The following RASSF1 variants were observed in gnomAD, a reference collection of about 807,000 sequenced individuals.
The protein encoded by RASSF1 is ras association domain-containing protein 1.
Under a neutral mutation model 34.3 loss-of-function variants are expected in RASSF1, and 33 were observed. The ratio of observed to expected loss-of-function variants is 0.96; its 90% CI spans 0.73 to 1.29. The LOEUF is 1.29. Among genes scored for constraint, RASSF1 ranks in the 50% most tolerant of loss-of-function variants. The pLI, the probability that RASSF1 is intolerant of heterozygous loss-of-function variation, is 0.00. For synonymous variants in RASSF1, 191 were observed against 195.0 expected (o/e 0.98, Z 0.17); for missense variants, 445 against 471.8 (o/e 0.94, Z 0.53).
chr3:50,340,783 A>T lies in RASSF1; in HGVS notation c.23T>A (p.Ile8Asn). The change falls in exon 1 of 6, where the codon ATT (isoleucine) becomes AAT (asparagine). Residue 8 changes from isoleucine (I) to asparagine (N), a missense_variant. Ile to Asn is a moderately radical substitution (Grantham distance 149, BLOSUM62 -3). Transcript: ENST00000359365. ...AGCGGGTGCCAGCTCCCGCAGCTCA[A>T]TGAGCTCAGGCTCCCCCGACATGGC... MSGEPEL[I>N]ELRELAPAGR... 1 of 1,513,710 alleles carries T rather than the reference A, an allele frequency of 6.6e-7. No homozygotes were observed. The highest frequency in any genetic ancestry group is 8.8e-7 in the Non-Finnish European group (1 of 1,140,802). The allele number at this position is 1,513,710 out of a possible 1,614,324, so 93.8% of individuals were successfully genotyped here.
intron 2 of RASSF1, 148 bp downstream of exon 2, chr3:50,337,756 GC>G: frequency 1.1e-6 from 1 of 934,516 alleles, no homozygotes; most frequent in East Asian, 2.7e-5. Flanking sequence ...TCCCCTCCCA[GC>G]CCCCGCGCAG....
intron 2 of RASSF1, chr3:50,337,560 T>C (rs953378946): frequency 7.0e-7 from 1 of 1,433,454 alleles, no homozygotes. Context: ...GGAGCTCCAC[T>C]CACAGACCCC....
At chr3:50,337,780 T>C in intron 2 of RASSF1, 125 bp downstream of exon 2, 4 of 1,081,596 alleles carry the variant, frequency 3.7e-6, no homozygotes, top group Non-Finnish European at 5.3e-6. Context: ...TTAGCCTCTC[T>C]GTGCCGCCGG....
Position 50,331,720 on chromosome 3 carries a change from C to T in RASSF1, c.599G>A (p.Arg200His), listed in dbSNP as rs761354693. 1.6e-5 allele frequency: 26 copies of T among 1,613,106 alleles called. 1 individual carries two copies. Among genetic ancestry groups the T allele is most frequent in the South Asian group, 1.3e-4 (12 of 91,082 alleles). The stretch of plus-strand genomic sequence containing the variant: ...CTTGGGCAGGTAAAAGGAAGTGCGG[C>T]GCCTGACACTTGTGCCCCGTCCTGG... ...RGPGRGTSVR[R>H]RTSFYLPKDA... The change falls in exon 4 of 6, where the codon CGC (arginine) becomes CAC (histidine). Residue 200 changes from arginine to histidine, a missense_variant. By Grantham distance (29) the Arg-to-His change is conservative. Transcript: ENST00000359365.
In RASSF1 at chr3:50,331,875, C is replaced by A; in HGVS notation, c.463-19G>T. The A allele has an allele frequency of 1.3e-6, 2 of 1,548,340 alleles. No individual in the cohort carries two copies. Among genetic ancestry groups the A allele is most frequent in the South Asian group, 1.2e-5 (1 of 80,928 alleles). On this transcript the variant is annotated intron_variant, in intron 3 of 5. Transcript: ENST00000359365. ...CCTTGTTCTAAAGAAATAGAGAAAC[C>A]AAACCTTGATAATAGGTTCCAGGTG...
chr3:50,334,228 A>C (rs1185459358), intron 2 of RASSF1, among the ~76,000 whole-genome samples: 1 of 152,252 alleles, frequency 6.6e-6, no homozygotes, highest in Non-Finnish European at 1.5e-5. Context: ...TGTGGGGCTA[A>C]GAACTAAGGC....
rs1553718329 is a variant in RASSF1 at position 50,331,341 on chromosome 3, T to G, written c.869A>C (p.Glu290Ala). 5.0e-6 allele frequency: 8 copies of G among 1,585,414 alleles called. No individual in the cohort carries two copies. The South Asian group carries it at 9.0e-5, about 18-fold the overall frequency. Residue 290 changes from glutamate (E) to alanine (A), a missense_variant, in exon 5 of 6, where the codon GAG (glutamate) becomes GCG (alanine). Glu to Ala is a moderately radical substitution (Grantham distance 107). Coordinates refer to ENST00000359365, the MANE Select transcript of RASSF1 (RefSeq NM_007182.5). Reference sequence around the variant, plus strand: ...TAAGAACTATGTACTCACGTTCACCTCCCCAGAGTCATTTTCCTTCAGGAC... The same window carrying G: ...TAAGAACTATGTACTCACGTTCACCGCCCCAGAGTCATTTTCCTTCAGGAC... ...SFVLKENDSG[E>A]VNWDAFSMPE...
intron 2 of RASSF1, 94 bp from the exon 3 acceptor site, chr3:50,332,248 C>T: frequency 2.0e-6 from 2 of 1,019,936 alleles, no homozygotes; most frequent in Non-Finnish European, 1.5e-6. Context: ...AACTGACTGC[C>T]TTTGGCCCCC....
Position 50,331,859 on chromosome 3 carries a change from A to C in RASSF1, c.463-3T>G, listed in dbSNP as rs1702958414. 5.1e-6 allele frequency: 8 copies of C among 1,554,996 alleles called. No individual in the cohort carries two copies. The highest frequency in any genetic ancestry group is 7.0e-6 in the Non-Finnish European group (8 of 1,147,930). On this transcript the variant is annotated splice_region_variant and splice_polypyrimidine_tract_variant and intron_variant, in intron 3 of 5. Coordinates refer to ENST00000359365, the MANE Select transcript of RASSF1 (RefSeq NM_007182.5). ...CCTGTGTAAGAACCGTCCTTGTTCT[A>C]AAGAAATAGAGAAACCAAACCTTGA...
Position 50,330,514 on chromosome 3 carries a change from T to A in RASSF1, c.*67A>T. ...CTCATTCCACAGGCCCCACTGGCCC[T>A]GTCACACTCACACGGCACGCACTTG... On this transcript the variant is annotated 3_prime_UTR_variant, in exon 6 of 6. Transcript: ENST00000359365. The surrounding 1 kb of genome is among the most constrained non-coding windows in gnomAD (Gnocchi z 4.5). 1.9e-6 allele frequency: 3 copies of A among 1,585,142 alleles called. No homozygotes were observed. The highest frequency in any genetic ancestry group is 2.6e-6 in the Non-Finnish European group (3 of 1,159,392).
At chr3:50,339,664 C>T (rs377650272) in intron 1 of RASSF1, among the ~76,000 whole-genome samples, 18 of 152,280 alleles carry the variant, frequency 1.2e-4, no homozygotes, top group East Asian at 7.7e-4. Context: ...CCACCGCGCT[C>T]GGCCCCTTGT....
chr3:50,337,800 AAT>A, intron 2 of RASSF1, 103 bp downstream of exon 2: 1 of 1,189,160 alleles, frequency 8.4e-7, no homozygotes, highest in Non-Finnish European at 1.2e-6. Context: ...GGAAATCGGC[AAT>A]TAGAACGCTC....
chr3:50,330,476 G>T lies in RASSF1; in HGVS notation c.*105C>A. 1 of 1,456,650 alleles carries T rather than the reference G, an allele frequency of 6.9e-7. No homozygotes were observed. Among genetic ancestry groups the T allele is most frequent in the Non-Finnish European group, 9.4e-7 (1 of 1,063,128 alleles). The allele number at this position is 1,456,650 out of a possible 1,614,324, so 90.2% of individuals were successfully genotyped here. On this transcript the variant is annotated 3_prime_UTR_variant, in exon 6 of 6. Coordinates refer to ENST00000359365, the MANE Select transcript of RASSF1 (RefSeq NM_007182.5). The surrounding 1 kb of genome is among the most constrained non-coding windows in gnomAD (Gnocchi z 4.5). ...GGGCTCATTCCCCCAGCACAGGAGG[G>T]CCTCCATGCACACTCATTCCACAGG...
intron 2 of RASSF1, chr3:50,337,584 A>C (rs1703200688): frequency 7.5e-7 from 1 of 1,329,268 alleles, no homozygotes; most frequent in East Asian, 2.6e-5. Context: ...TACCACAGGG[A>C]ACGGGGGCGG....
Position 50,337,951 on chromosome 3 carries a change from G to A in RASSF1, c.311C>T (p.Pro104Leu). Reference protein sequence around the residue: ...RALVCLDCCGPRDLGWEPAVE... With the variant: ...RALVCLDCCGLRDLGWEPAVE... Reference sequence around the variant, plus strand: ...CGCGGGTTCCCAGCCCAGGTCCCGGGGCCCGCAACAGTCCAGGCAGACGAG... The same window carrying A: ...CGCGGGTTCCCAGCCCAGGTCCCGGAGCCCGCAACAGTCCAGGCAGACGAG... Residue 104 changes from proline to leucine, a missense_variant, in exon 2 of 6, where the codon CCC (proline) becomes CTC (leucine). Coordinates refer to ENST00000359365, the MANE Select transcript of RASSF1 (RefSeq NM_007182.5). 2.5e-6 allele frequency: 4 copies of A among 1,611,920 alleles called. No homozygotes were observed. Among genetic ancestry groups the A allele is most frequent in the Non-Finnish European group, 3.4e-6 (4 of 1,179,166 alleles).
In RASSF1 at chr3:50,330,373, T is replaced by A; in HGVS notation, c.*208A>T. On this transcript the variant is annotated 3_prime_UTR_variant, in exon 6 of 6. Coordinates refer to ENST00000359365, the MANE Select transcript of RASSF1 (RefSeq NM_007182.5). This position sits in a 1 kb window ranked among gnomAD's most constrained non-coding sequence, Gnocchi z 4.5. Reference sequence around the variant, plus strand: ...GCCCTGGCCCACTAAGGCCCAGTAATGAGGGCAGAGGGGTGCAGAGCCATA... The same window carrying A: ...GCCCTGGCCCACTAAGGCCCAGTAAAGAGGGCAGAGGGGTGCAGAGCCATA... 1 of 642,012 alleles carries A rather than the reference T, an allele frequency of 1.6e-6. No homozygotes were observed. The highest frequency in any genetic ancestry group is 2.6e-6 in the Non-Finnish European group (1 of 391,688). 39.8% of individuals were successfully genotyped at this position (642,012 alleles called of 1,614,324 possible).
intron 2 of RASSF1, among the ~76,000 whole-genome samples, chr3:50,334,469 T>TA (rs1024895783): frequency 2.0e-5 from 3 of 152,108 alleles, no homozygotes; most frequent in African/African-American, 7.2e-5. Context: ...GTTTGTTCAG[T>TA]ACACCAACGG....
chr3:50,336,919 G>A, intron 2 of RASSF1: 1 of 551,032 alleles, frequency 1.8e-6, no homozygotes. Context: ...TCTACCACAA[G>A]CCATACAGCT....
At position 50,331,799 on chromosome 3, in the gene RASSF1, C is replaced by A. The variant is rs1158404557; in HGVS notation, c.520G>T (p.Val174Phe). 6.3e-7 allele frequency: 1 copy of A among 1,596,156 alleles called. No individual in the cohort carries two copies. Among genetic ancestry groups the A allele is most frequent in the Non-Finnish European group, 8.6e-7 (1 of 1,166,662 alleles). The part of the protein sequence containing the change: ...IKVQLKLVRP[V>F]SVPSSKKPPS... Reference sequence around the variant, plus strand: ...GGCTTCTTGCTGGAGGGCACAGAGACAGGGCGCACCAGCTTCAGCTGAACC... The same window carrying A: ...GGCTTCTTGCTGGAGGGCACAGAGAAAGGGCGCACCAGCTTCAGCTGAACC... Residue 174 changes from valine (V) to phenylalanine (F), a missense_variant, in exon 4 of 6, where the codon GTC (valine) becomes TTC (phenylalanine). Coordinates refer to ENST00000359365, the MANE Select transcript of RASSF1 (RefSeq NM_007182.5).
Sources: gnomAD v4.1 joint callset for allele counts (sites outside exome capture counted in the v4.1 genomes callset) on GRCh38, gnomAD v4.1.1 for gene constraint, Gnocchi (gnomAD v3.1) non-coding constraint, MANE v1.5 for transcripts, NCBI Gene and HGNC (gene_info 2026-07-23, HGNC 2026-07-21) for gene names.